NCKAP1: variants seen among roughly 807,000 people sequenced by gnomAD.
The protein encoded by NCKAP1 is NCK associated protein 1, also known as nck-associated protein 1.
In NCKAP1, 21 loss-of-function variants were observed where a neutral mutation model predicts 151.2. The observed-to-expected ratio is 0.14, with a 90% CI of 0.10 to 0.20. The LOEUF (loss-of-function observed/expected upper bound fraction) is 0.20, where lower values mean the gene tolerates loss of function less well. Ranked by LOEUF, NCKAP1 falls within the 10% of genes least tolerant of loss-of-function variation. The pLI is 1.00. For missense variants in NCKAP1, 933 were observed against 1,352.1 expected (o/e 0.69, Z 4.86); for synonymous variants, 484 against 451.8 (o/e 1.07, Z -0.90).
intron 15 of NCKAP1, among the ~76,000 whole-genome samples, chr2:182,976,463 C>T (rs1348882971): frequency 6.6e-6 from 1 of 152,238 alleles, no homozygotes; most frequent in Admixed American, 6.5e-5. Flanking sequence ...TGCTCTCACA[C>T]TGCAATGGCA....
At chr2:182,975,900 G>C (rs1456197993) in intron 15 of NCKAP1, among the ~76,000 whole-genome samples, 1 of 152,034 alleles carries the variant, frequency 6.6e-6, no homozygotes, top group African/African-American at 2.4e-5. Context: ...GCAAGACCCT[G>C]CCTCTAAAAC....
rs1425661399 is a variant in NCKAP1, at chr2:182,915,679, A to G, written c.*10023T>C. 1 of 152,164 alleles carries G rather than the reference A, an allele frequency of 6.6e-6. No individual in the cohort carries two copies. The highest frequency in any genetic ancestry group is 1.5e-5 in the Non-Finnish European group (1 of 68,032). 9.4% of individuals were successfully genotyped at this position (152,164 alleles called of 1,614,324 possible). On this transcript the variant is annotated 3_prime_UTR_variant, in exon 31 of 31. Transcript: ENST00000361354. Reference sequence around the variant, plus strand: ...ATGAGATCATCAGACCAGCTTGACTATAGGAGGCATTTCTGTAAAGGGGTA... The same window carrying G: ...ATGAGATCATCAGACCAGCTTGACTGTAGGAGGCATTTCTGTAAAGGGGTA...
In NCKAP1 at chr2:182,931,438, T is replaced by C. The variant is rs566610863; in HGVS notation, c.2860-650A>G. Among the ~76,000 whole-genome samples, 12 of 152,210 alleles carry C rather than the reference T, an allele frequency of 7.9e-5. No individual in the cohort carries two copies. The South Asian group carries it at 2.3e-3, about 29-fold the overall frequency. ...AAATACGAAGTAAAATAGTATAGCT[T>C]AGAAAAACTGGGAACATGGCAGGGA... On this transcript the variant is annotated intron_variant, in intron 26 of 30. Coordinates refer to ENST00000361354, the MANE Select transcript of NCKAP1 (RefSeq NM_013436.5).
chr2:183,035,992 T>C (rs887153664), intron 1 of NCKAP1, among the ~76,000 whole-genome samples: 20 of 152,096 alleles, frequency 1.3e-4, no homozygotes, highest in African/African-American at 4.8e-4. Flanking sequence ...ACTAAAAATA[T>C]AAGGCAAGTG....
In NCKAP1 at chr2:182,994,908, A is replaced by G. The variant is rs1327826295; in HGVS notation, c.742-21T>C. On this transcript the variant is annotated intron_variant, in intron 7 of 30. Transcript: ENST00000361354. The stretch of plus-strand genomic sequence containing the variant: ...GGCATCTTAAAAAGAGAATATATAC[A>G]TTTGCAGTTAAAAGAAATTCTAAAA... The G allele has an allele frequency of 2.5e-6, 4 of 1,573,788 alleles. No individual in the cohort carries two copies. In the East Asian group the frequency reaches 6.8e-5, roughly 27 times the overall value.
At chr2:182,996,914 G>GT (rs1698281658) in intron 6 of NCKAP1, among the ~76,000 whole-genome samples, 1 of 152,170 alleles carries the variant, frequency 6.6e-6, no homozygotes, top group African/African-American at 2.4e-5. Context: ...TGATTCTGAC[G>GT]TAGCCAACTA....
At position 183,006,801 on chromosome 2, in the gene NCKAP1, T is replaced by TTAA. The variant is rs1698480308; in HGVS notation, c.220-3477_220-3476insTTA. Among the ~76,000 whole-genome samples the TTAA allele has an allele frequency of 2.0e-5, 3 of 152,302 alleles. No individual in the cohort carries two copies. In the South Asian group the frequency reaches 6.2e-4, roughly 32 times the overall value. On this transcript the variant is annotated intron_variant, in intron 2 of 30. Transcript: ENST00000361354. ...CTAAGAACATAGGTAACACATTGTT[T>TTAA]GATGTTATACAACAGAACATTAGAA...
In NCKAP1 at chr2:182,916,971, CT is replaced by C. The variant is rs555962585; in HGVS notation, c.*8730del. On this transcript the variant is annotated 3_prime_UTR_variant, in exon 31 of 31. Coordinates refer to ENST00000361354, the MANE Select transcript of NCKAP1 (RefSeq NM_013436.5). ...GAGTGGAAGTTCTGATATTATAATA[CT>C]CATAAAAGCCATGAAAAAACTCTTT... 2.6e-3 allele frequency: 389 copies of C among 152,172 alleles called. No homozygotes were observed. The highest frequency in any genetic ancestry group is 8.9e-3 in the African/African-American group (369 of 41,528). 9.4% of individuals were successfully genotyped at this position (152,172 alleles called of 1,614,324 possible).
intron 2 of NCKAP1, among the ~76,000 whole-genome samples, chr2:183,022,373 TGTCA>T (rs1698812352): frequency 6.6e-6 from 1 of 152,214 alleles, no homozygotes; most frequent in African/African-American, 2.4e-5. Context: ...AGCCAATTAA[TGTCA>T]GTAACTAAAA....
At chr2:183,010,445 A>G (rs1698571045) in intron 2 of NCKAP1, among the ~76,000 whole-genome samples, 1 of 152,224 alleles carries the variant, frequency 6.6e-6, no homozygotes, top group Non-Finnish European at 1.5e-5. Context: ...AAAACCAGTG[A>G]GACCAGCAGA....
intron 15 of NCKAP1, among the ~76,000 whole-genome samples, chr2:182,969,875 T>C (rs1232121007): frequency 1.3e-5 from 2 of 151,430 alleles, no homozygotes; most frequent in African/African-American, 4.8e-5. Flanking sequence ...AAAAATAAAA[T>C]TGACAAATCT....
intron 16 of NCKAP1, among the ~76,000 whole-genome samples, chr2:182,966,290 G>T (rs1697568038): frequency 6.6e-6 from 1 of 151,940 alleles, no homozygotes; most frequent in Non-Finnish European, 1.5e-5. Flanking sequence ...CCACTGTTAT[G>T]TATTTATTTA....
intron 2 of NCKAP1, among the ~76,000 whole-genome samples, chr2:183,011,347 T>C (rs1245498944): frequency 6.6e-6 from 1 of 152,188 alleles, no homozygotes; most frequent in African/African-American, 2.4e-5. Flanking sequence ...AAGTGAAAAA[T>C]AATTTTAGTA....
rs772921382 is a variant in NCKAP1, at chr2:182,989,149, G to A, written c.828C>T (p.Asp276=). The A allele has an allele frequency of 2.4e-5, 39 of 1,610,594 alleles. No homozygotes were observed. In the East Asian group the frequency reaches 3.6e-4, roughly 15 times the overall value. The change falls in exon 9 of 31, where the codon GAC becomes GAT. Residue 276 remains aspartate, a synonymous_variant. Transcript: ENST00000361354. Reference sequence around the variant, plus strand: ...GTTTCCAAAGGTTCAGTGCTGTAGCGTCAGTATTTAGGATCCCATGGCACA... The same window carrying A: ...GTTTCCAAAGGTTCAGTGCTGTAGCATCAGTATTTAGGATCCCATGGCACA... The part of the protein sequence containing the change: ...FILCHGILNT[D]ATALNLWKLA...
chr2:182,910,469 G>T lies in NCKAP1; in HGVS notation c.*15233C>A, dbSNP rs1466720156. On this transcript the variant is annotated 3_prime_UTR_variant, in exon 31 of 31. Coordinates refer to ENST00000361354, the MANE Select transcript of NCKAP1 (RefSeq NM_013436.5). Reference sequence around the variant, plus strand: ...TGTGCCCACAACAGTTGGAGCCTTGGGAACAAGGAAGTTACACTGCCTCGG... The same window carrying T: ...TGTGCCCACAACAGTTGGAGCCTTGTGAACAAGGAAGTTACACTGCCTCGG... The T allele has an allele frequency of 6.6e-6, 1 of 152,250 alleles. No homozygotes were observed. The highest frequency in any genetic ancestry group is 1.5e-5 in the Non-Finnish European group (1 of 68,066). 9.4% of individuals were successfully genotyped at this position (152,250 alleles called of 1,614,324 possible).
At chr2:183,021,777 G>A (rs1698802203) in intron 2 of NCKAP1, among the ~76,000 whole-genome samples, 1 of 152,104 alleles carries the variant, frequency 6.6e-6, no homozygotes, top group Non-Finnish European at 1.5e-5. Flanking sequence ...GTTGCCTTAG[G>A]GCAGGGGTGT....
chr2:183,003,175 TTAA>T, intron 3 of NCKAP1, 55 bp downstream of exon 3: 1 of 1,259,018 alleles, frequency 7.9e-7, no homozygotes, highest in Non-Finnish European at 1.1e-6. Flanking sequence ...ATTCACACAA[TTAA>T]TAAACATTTA....
At chr2:182,984,263 G>A (rs1046989673) in intron 10 of NCKAP1, among the ~76,000 whole-genome samples, 4 of 151,566 alleles carry the variant, frequency 2.6e-5, no homozygotes, top group South Asian at 2.1e-4. Flanking sequence ...GGAAAGGAAG[G>A]GATAATCATA....
chr2:183,023,991 GA>G (rs1248561822), intron 1 of NCKAP1, 75 bp from the exon 2 acceptor site: 18 of 1,080,120 alleles, frequency 1.7e-5, no homozygotes, highest in Non-Finnish European at 2.5e-5. Context: ...TCTGCAATTA[GA>G]AATTAAAGAG....
Sources: gnomAD v4.1 joint callset for allele counts (sites outside exome capture counted in the v4.1 genomes callset) on GRCh38, gnomAD v4.1.1 for gene constraint, MANE v1.5 for transcripts, NCBI Gene and HGNC (gene_info 2026-07-23, HGNC 2026-07-21) for gene names.